The following SCFD1 variants were observed in gnomAD, a reference collection of about 807,000 sequenced individuals.
The protein encoded by SCFD1 is sec1 family domain-containing protein 1.
In SCFD1, 37 loss-of-function variants were observed where a neutral mutation model predicts 103.2. The observed-to-expected ratio is 0.36, with a 90% CI of 0.28 to 0.47. SCFD1 has a LOEUF of 0.47. Ranked by LOEUF, SCFD1 falls within the 20% of genes least tolerant of loss-of-function variation. SCFD1 has a pLI of 1.00. For synonymous variants in SCFD1, 264 were observed against 245.0 expected (o/e 1.08, Z -0.73); for missense variants, 639 against 761.2 (o/e 0.84, Z 1.89).
At chr14:30,641,560 C>G (rs1273484213) in intron 6 of SCFD1, among the ~76,000 whole-genome samples, 6 of 152,256 alleles carry the variant, frequency 3.9e-5, no homozygotes, top group Non-Finnish European at 8.8e-5. Flanking sequence ...TCACTTGTGC[C>G]ACTGATTAAT....
intron 7 of SCFD1, among the ~76,000 whole-genome samples, chr14:30,644,260 C>T (rs1033825551): frequency 6.6e-6 from 1 of 152,170 alleles, no homozygotes; most frequent in African/African-American, 2.4e-5. Context: ...TGATAGGCAT[C>T]TAGGTTGATT....
At chr14:30,734,173 C>T (rs1423973490) in intron 23 of SCFD1, among the ~76,000 whole-genome samples, 3 of 152,108 alleles carry the variant, frequency 2.0e-5, no homozygotes, top group Non-Finnish European at 4.4e-5. Flanking sequence ...CTAGAATAAA[C>T]TTTTTTATAT....
chr14:30,719,652 G>T (rs1466815980), intron 21 of SCFD1, among the ~76,000 whole-genome samples: 1 of 152,092 alleles, frequency 6.6e-6, no homozygotes, highest in East Asian at 1.9e-4. Context: ...AATTGTGGGT[G>T]AGGGAAATTT....
At chr14:30,731,426 A>G (rs1261314780) in intron 23 of SCFD1, among the ~76,000 whole-genome samples, 5 of 152,162 alleles carry the variant, frequency 3.3e-5, no homozygotes, top group East Asian at 3.9e-4. Context: ...CATTGAATCT[A>G]TAAATTACCT....
intron 3 of SCFD1, among the ~76,000 whole-genome samples, chr14:30,633,478 A>T (rs1884389089): frequency 6.6e-6 from 1 of 152,106 alleles, no homozygotes; most frequent in Admixed American, 6.6e-5. Flanking sequence ...ATTTGATTTC[A>T]TGTTTGGTTA....
At chr14:30,698,872 T>A (rs1890879737) in intron 15 of SCFD1, among the ~76,000 whole-genome samples, 1 of 152,130 alleles carries the variant, frequency 6.6e-6, no homozygotes, top group Non-Finnish European at 1.5e-5. Context: ...ATGAAGCTGA[T>A]CCTAAACAGC....
intron 2 of SCFD1, among the ~76,000 whole-genome samples, chr14:30,629,931 T>C (rs571010515): frequency 2.6e-3 from 395 of 151,604 alleles, no homozygotes; most frequent in Middle Eastern, 0.01. Flanking sequence ...CTTAAAATAC[T>C]AAATTTTTTA....
intron 10 of SCFD1, among the ~76,000 whole-genome samples, chr14:30,662,094 G>A (rs950364198): frequency 6.6e-6 from 1 of 152,138 alleles, no homozygotes; most frequent in African/African-American, 2.4e-5. Flanking sequence ...ATTTACAGGA[G>A]GAATATTTGC....
Position 30,628,245 on chromosome 14 carries a change from A to G in SCFD1, c.98A>G (p.His33Arg). 6.2e-7 allele frequency: 1 copy of G among 1,612,466 alleles called. No homozygotes were observed. The highest frequency in any genetic ancestry group is 8.5e-7 in the Non-Finnish European group (1 of 1,178,776). The change falls in exon 2 of 25, where the codon CAT (histidine) becomes CGT (arginine). Residue 33 changes from histidine to arginine, a missense_variant. Transcript: ENST00000458591. The part of the protein sequence containing the change: ...LKRMLNFNVP[H>R]IKNSTGEPVW... Reference sequence around the variant, plus strand: ...CGTATGTTGAATTTCAATGTGCCTCATATTAAAAACAGCACAGGAGAACCA... The same window carrying G: ...CGTATGTTGAATTTCAATGTGCCTCGTATTAAAAACAGCACAGGAGAACCA...
chr14:30,636,265 G>A (rs535004097), intron 4 of SCFD1, among the ~76,000 whole-genome samples: 15 of 150,930 alleles, frequency 9.9e-5, no homozygotes, highest in Middle Eastern at 6.9e-3. Flanking sequence ...CCAGTTTATC[G>A]GTTTTTTTTT....
chr14:30,692,735 T>G (rs1215969109), intron 14 of SCFD1, among the ~76,000 whole-genome samples: 1 of 152,212 alleles, frequency 6.6e-6, no homozygotes, highest in Admixed American at 6.5e-5. Context: ...AAAGTTAGTT[T>G]AACAGCTTAT....
chr14:30,657,970 TAAA>T (rs574403917), intron 10 of SCFD1: 4 of 330,708 alleles, frequency 1.2e-5, no homozygotes, highest in South Asian at 2.4e-5. Flanking sequence ...CACTTCTGGT[TAAA>T]AAAAAAAAGA....
intron 10 of SCFD1, among the ~76,000 whole-genome samples, chr14:30,664,619 C>G (rs1489549107): frequency 6.6e-6 from 1 of 152,026 alleles, no homozygotes; most frequent in Non-Finnish European, 1.5e-5. Context: ...GATGTTTGAA[C>G]CGGTCACAAG....
At chr14:30,659,076 A>G (rs968568708) in intron 10 of SCFD1, among the ~76,000 whole-genome samples, 1 of 151,950 alleles carries the variant, frequency 6.6e-6, no homozygotes, top group South Asian at 2.1e-4. Context: ...GTATATCTCC[A>G]TATTTGTTGC....
At position 30,705,855 on chromosome 14, in the gene SCFD1, G is replaced by A; in HGVS notation, c.1523G>A (p.Ser508Asn). Residue 508 changes from serine (S) to asparagine (N), a missense_variant, in exon 18 of 25, where the codon AGC becomes AAC. By Grantham distance (46) the Ser-to-Asn change is conservative. Transcript: ENST00000458591. Reference protein sequence around the residue: ...AFTKMASAPASYGSTTTKPMG... With the variant: ...AFTKMASAPANYGSTTTKPMG... ...ACCAAGATGGCCTCAGCTCCGGCCA[G>A]CTATGGCAGCACTACCACTAAACCA... 3 of 1,613,786 alleles carry A rather than the reference G, an allele frequency of 1.9e-6. No homozygotes were observed. The highest frequency in any genetic ancestry group is 1.3e-5 in the African/African-American group (1 of 74,998).
At chr14:30,649,671 A>T in intron 8 of SCFD1, 88 bp downstream of exon 8, 1 of 946,802 alleles carries the variant, frequency 1.1e-6, no homozygotes, top group Non-Finnish European at 1.6e-6. Flanking sequence ...TTAATATTTA[A>T]ATATATGATT....
intron 24 of SCFD1, 55 bp from the exon 25 acceptor site, chr14:30,735,531 T>C: frequency 8.1e-7 from 1 of 1,236,566 alleles, no homozygotes; most frequent in Non-Finnish European, 1.2e-6. Flanking sequence ...TGTTTGAATG[T>C]TTCTTTTATG....
At chr14:30,638,271 G>T in intron 5 of SCFD1, 24 bp downstream of exon 5, 2 of 1,612,440 alleles carry the variant, frequency 1.2e-6, no homozygotes, top group South Asian at 2.2e-5. Context: ...GTGGGTTGAT[G>T]ACATTTTGTC....
intron 10 of SCFD1, 125 bp from the exon 11 acceptor site, chr14:30,670,131 T>G: frequency 5.7e-6 from 4 of 703,550 alleles, no homozygotes; most frequent in Middle Eastern, 4.2e-4. Context: ...TAACAAAAGA[T>G]TGGGAGGAGA....
Sources: allele counts gnomAD v4.1 joint callset (sites outside exome capture counted in the v4.1 genomes callset), GRCh38; gene constraint gnomAD v4.1.1; transcripts MANE v1.5; gene names NCBI Gene and HGNC (gene_info 2026-07-23, HGNC 2026-07-21).